Variants in SHCBP1 observed in about 807,000 individuals in gnomAD.
SHCBP1 encodes the protein SHC binding and spindle associated 1, also known as SHC SH2 domain-binding protein 1.
In SHCBP1, 60 loss-of-function variants were observed where a neutral mutation model predicts 75.1. The ratio of observed to expected loss-of-function variants is 0.80; its 90% CI spans 0.65 to 0.99. The LOEUF (loss-of-function observed/expected upper bound fraction) is 0.99, where lower values mean the gene tolerates loss of function less well. Ranked by LOEUF, SHCBP1 falls within the 50% of genes least tolerant of loss-of-function variation. SHCBP1 has a pLI of 0.00. For synonymous variants in SHCBP1, 290 were observed against 293.2 expected, an observed-to-expected ratio of 0.99 and a Z score of 0.11; for missense variants, 709 against 809.4, an observed-to-expected ratio of 0.88 and a Z score of 1.50.
At chr16:46,597,522 T>C (rs1965162630) in intron 9 of SHCBP1, among the ~76,000 whole-genome samples, 1 of 152,362 alleles carries the variant, frequency 6.6e-6, no homozygotes, top group East Asian at 1.9e-4. Flanking sequence ...TTTAACAATA[T>C]ATACATCTTA....
At chr16:46,599,472 A>G (rs1965194033) in intron 9 of SHCBP1, among the ~76,000 whole-genome samples, 1 of 152,054 alleles carries the variant, frequency 6.6e-6, no homozygotes, top group African/African-American at 2.4e-5. Flanking sequence ...TAAGTTCACC[A>G]TCTTTTATGG....
At chr16:46,593,394 T>C (rs935949293) in intron 10 of SHCBP1, among the ~76,000 whole-genome samples, 1 of 152,068 alleles carries the variant, frequency 6.6e-6, no homozygotes, top group Non-Finnish European at 1.5e-5. Flanking sequence ...ACAAAACACA[T>C]ACAACATTTG....
chr16:46,613,333 AAAC>A (rs1218192477), intron 4 of SHCBP1, among the ~76,000 whole-genome samples: 1 of 152,208 alleles, frequency 6.6e-6, no homozygotes, highest in East Asian at 1.9e-4. Context: ...GTTTCCAAAA[AAAC>A]AAAAACACAA....
Position 46,608,335 on chromosome 16 carries a change from G to T in SHCBP1, c.651C>A (p.Tyr217Ter). ...RSWDEEEEDE[Y>*]DYFVRCVEPR... ...GTTCAACACATCTGACAAAATAATC[G>T]TATTCATCCTCCTCTTCTTCATCCC... is the stretch of plus-strand genomic sequence containing the variant. The change falls in exon 5 of 13, where the codon TAC becomes TAA. Residue 217 changes from tyrosine (Y) to a stop codon, truncating the protein, a stop_gained. Transcript: ENST00000303383. LOFTEE classifies it high-confidence loss of function. 7 of 1,613,568 alleles carry T rather than the reference G, an allele frequency of 4.3e-6. No individual in the cohort carries two copies. The highest frequency in any genetic ancestry group is 1.3e-5 in the African/African-American group (1 of 74,978).
At chr16:46,595,019 T>G (rs1342295760) in intron 10 of SHCBP1, among the ~76,000 whole-genome samples, 1 of 152,238 alleles carries the variant, frequency 6.6e-6, no homozygotes, top group East Asian at 1.9e-4. Flanking sequence ...ATTCCATTTC[T>G]ACATTTTTGA....
intron 10 of SHCBP1, among the ~76,000 whole-genome samples, chr16:46,585,902 T>C (rs1158728684): frequency 1.3e-5 from 2 of 152,120 alleles, no homozygotes; most frequent in South Asian, 2.1e-4. Context: ...CCCACCCAAC[T>C]TGGGTATCAA....
At position 46,580,918 on chromosome 16, in the gene SHCBP1, A is replaced by T. The variant is rs1208433058; in HGVS notation, c.*811T>A. The stretch of plus-strand genomic sequence containing the variant: ...CACCACACTCAGCTAATTTTTTTTA[A>T]ATTTATTTTTAGTAGAGACAGGGTC... On this transcript the variant is annotated 3_prime_UTR_variant, in exon 13 of 13. Coordinates refer to ENST00000303383, the MANE Select transcript of SHCBP1 (RefSeq NM_024745.5). The T allele has an allele frequency of 6.6e-6, 1 of 151,208 alleles. No homozygotes were observed. The highest frequency in any genetic ancestry group is 1.9e-4 in the East Asian group (1 of 5,144). The allele number at this position is 151,208 out of a possible 1,614,324, so 9.4% of individuals were successfully genotyped here. A position where few individuals can be genotyped will look rare whatever the true frequency, so the allele number is the denominator to read the frequency against.
intron 10 of SHCBP1, among the ~76,000 whole-genome samples, chr16:46,588,788 T>C (rs1041926006): frequency 1.1e-4 from 16 of 151,986 alleles, no homozygotes; most frequent in Non-Finnish European, 1.6e-4. Context: ...TTCCAATCAA[T>C]AGAAAAAGAG....
chr16:46,611,844 C>G (rs1965420956), intron 4 of SHCBP1, among the ~76,000 whole-genome samples: 1 of 152,192 alleles, frequency 6.6e-6, no homozygotes, highest in South Asian at 2.1e-4. Flanking sequence ...CTATAAAGTT[C>G]TCTTTCCCTA....
intron 10 of SHCBP1, among the ~76,000 whole-genome samples, chr16:46,587,785 A>G (rs1964975460): frequency 6.6e-6 from 1 of 152,176 alleles, no homozygotes; most frequent in South Asian, 2.1e-4. Flanking sequence ...GATACCCAGG[A>G]ATTGAACTCA....
At position 46,616,524 on chromosome 16, in the gene SHCBP1, G is replaced by C. The variant is rs1162324006; in HGVS notation, c.388-370C>G. 2.0e-5 allele frequency among the ~76,000 whole-genome samples: 3 copies of C among 152,204 alleles called. No individual in the cohort carries two copies. Among genetic ancestry groups the C allele is most frequent in the Non-Finnish European group, 4.4e-5 (3 of 68,044 alleles). On this transcript the variant is annotated intron_variant, in intron 3 of 12. Transcript: ENST00000303383. The surrounding 1 kb of genome is among the most constrained non-coding windows in gnomAD (Gnocchi z 4.4). The stretch of plus-strand genomic sequence containing the variant: ...GTGGCAGAGACAGGCTTGGCAGCTG[G>C]AGGAGCGGAAAGGCAGTCCTTCTTG...
At chr16:46,600,061 G>A (rs1356635146) in intron 8 of SHCBP1, 99 bp from the exon 9 acceptor site, 1 of 1,312,058 alleles carries the variant, frequency 7.6e-7, no homozygotes, top group Non-Finnish European at 1.0e-6. Flanking sequence ...GACTGCAGAT[G>A]ATAATGAGAC....
chr16:46,584,302 CACA>C, intron 10 of SHCBP1: 1 of 308 alleles, frequency 3.2e-3, no homozygotes, highest in Non-Finnish European at 9.6e-3. Context: ...TTCAAAACCA[CACA>C]CACACACACA....
intron 10 of SHCBP1, among the ~76,000 whole-genome samples, chr16:46,586,046 A>T (rs913885003): frequency 1.3e-5 from 2 of 152,224 alleles, no homozygotes; most frequent in Admixed American, 1.3e-4. Flanking sequence ...TTCTCACAAC[A>T]TAATATAAAA....
At chr16:46,584,280 C>A in intron 10 of SHCBP1, 191 bp from the exon 11 acceptor site, 3 of 407,044 alleles carry the variant, frequency 7.4e-6, no homozygotes, top group Non-Finnish European at 8.7e-6. Flanking sequence ...AAGTTGTTGA[C>A]AATTTATCAT....
At chr16:46,614,135 G>A (rs902874330) in intron 4 of SHCBP1, among the ~76,000 whole-genome samples, 6 of 152,010 alleles carry the variant, frequency 3.9e-5, no homozygotes, top group African/African-American at 1.4e-4. Flanking sequence ...ACAGAAACCG[G>A]TTCTTTAGAT....
chr16:46,617,681 C>T lies in SHCBP1; in HGVS notation c.340G>A (p.Gly114Arg), dbSNP rs1324869949. The T allele has an allele frequency of 6.2e-7, 1 of 1,613,660 alleles. No homozygotes were observed. The highest frequency in any genetic ancestry group is 1.1e-5 in the South Asian group (1 of 91,044). ...TTAGTGTGCCAGACTGCCCGCCATCCAGATGGCTCAAGGACCTTCTCCAAG... is the reference window on the plus strand; with the variant it reads ...TTAGTGTGCCAGACTGCCCGCCATCTAGATGGCTCAAGGACCTTCTCCAAG... ...EFLEKVLEPS[G>R]WRAVWHTNVF... The change falls in exon 3 of 13, where the codon GGA (glycine) becomes AGA (arginine). Residue 114 changes from glycine to arginine, a missense_variant. Transcript: ENST00000303383.
rs1964837483 is a variant in SHCBP1, at chr16:46,579,386, T to C, written c.*2343A>G. 6.6e-6 allele frequency among the ~76,000 whole-genome samples: 1 copy of C among 152,186 alleles called. No individual in the cohort carries two copies. The highest frequency in any genetic ancestry group is 1.5e-5 in the Non-Finnish European group (1 of 68,042). On this transcript the variant is annotated 3_prime_UTR_variant, in exon 13 of 13. Transcript: ENST00000303383. ...AACAAAGTAGGCCTACTCATTATAA[T>C]GAATCATGTGAATAAAAATTAATAT...
chr16:46,586,310 A>G (rs955894687), intron 10 of SHCBP1, among the ~76,000 whole-genome samples: 2 of 152,250 alleles, frequency 1.3e-5, no homozygotes, highest in African/African-American at 4.8e-5. Context: ...ATTGAAAAAT[A>G]CAATAACTGA....
Sources: gnomAD v4.1 joint callset for allele counts (sites outside exome capture counted in the v4.1 genomes callset) on GRCh38, gnomAD v4.1.1 for gene constraint, Gnocchi (gnomAD v3.1) non-coding constraint, MANE v1.5 for transcripts, NCBI Gene and HGNC (gene_info 2026-07-23, HGNC 2026-07-21) for gene names.